The following BEND4 variants were observed in gnomAD, a reference collection of about 807,000 sequenced individuals.
BEND4 encodes the protein BEN domain containing 4, also known as BEN domain-containing protein 4.
In BEND4, 27 loss-of-function variants were observed where a neutral mutation model predicts 54.7. The ratio of observed to expected loss-of-function variants is 0.49; its 90% CI spans 0.36 to 0.68. The LOEUF (loss-of-function observed/expected upper bound fraction) is 0.68. Ranked by LOEUF, BEND4 falls within the 30% of genes least tolerant of loss-of-function variation. The pLI is 0.00. For synonymous variants in BEND4, 327 were observed against 299.5 expected (o/e 1.09, Z -0.95); for missense variants, 702 against 697.2 (o/e 1.01, Z -0.08).
rs1360736512 is a variant in BEND4, at chr4:42,117,501, C to T, written c.*17G>A. 3 of 1,575,146 alleles carry T rather than the reference C, an allele frequency of 1.9e-6. No individual in the cohort carries two copies. Among genetic ancestry groups the T allele is most frequent in the Admixed American group, 1.7e-5 (1 of 57,532 alleles). On this transcript the variant is annotated 3_prime_UTR_variant, in exon 6 of 6. Coordinates refer to ENST00000502486, the MANE Select transcript of BEND4 (RefSeq NM_207406.4). Reference sequence around the variant, plus strand: ...CTCTTGAGAGGACCAGCTGCTACAACAGGAAGATTCTGTCCACTAATCCCC... The same window carrying T: ...CTCTTGAGAGGACCAGCTGCTACAATAGGAAGATTCTGTCCACTAATCCCC...
intron 3 of BEND4, among the ~76,000 whole-genome samples, chr4:42,141,141 T>C (rs1720864829): frequency 6.6e-6 from 1 of 152,150 alleles, no homozygotes; most frequent in African/African-American, 2.4e-5. Context: ...GGTGCCTGCC[T>C]GGCGTGGGAA....
intron 2 of BEND4, among the ~76,000 whole-genome samples, chr4:42,147,968 G>C (rs1160047926): frequency 3.3e-5 from 5 of 152,098 alleles, no homozygotes; most frequent in Admixed American, 3.3e-4. Context: ...GATCACAGTA[G>C]TCAAGATTAG....
chr4:42,138,001 T>A (rs1035509892), intron 3 of BEND4, among the ~76,000 whole-genome samples: 1 of 152,162 alleles, frequency 6.6e-6, no homozygotes, highest in Non-Finnish European at 1.5e-5. Flanking sequence ...GGTGGGAATG[T>A]AGAATGGTAC....
At chr4:42,145,477 G>A (rs546663410) in intron 2 of BEND4, among the ~76,000 whole-genome samples, 101 of 152,126 alleles carry the variant, frequency 6.6e-4, no homozygotes, top group African/African-American at 2.3e-3. Context: ...GGCAGATCAC[G>A]AGGTGGGAGA....
intron 2 of BEND4, among the ~76,000 whole-genome samples, chr4:42,144,459 G>A (rs941363012): frequency 6.6e-6 from 1 of 152,202 alleles, no homozygotes; most frequent in Non-Finnish European, 1.5e-5. Context: ...CCTGCAGAGA[G>A]TACATAGCTC....
rs1719795512 is a variant in BEND4, at chr4:42,115,797, A to G, written c.*1721T>C. 1 of 152,170 alleles carries G rather than the reference A, an allele frequency of 6.6e-6. No individual in the cohort carries two copies. Among genetic ancestry groups the G allele is most frequent in the South Asian group, 2.1e-4 (1 of 4,830 alleles). The allele number at this position is 152,170 out of a possible 1,614,324, so 9.4% of individuals were successfully genotyped here. ...TGCCCATATCATTTCTTTTACTTCCAAATTTTAGCTAATTTGCCCCAAATA... is the reference window on the plus strand; with the variant it reads ...TGCCCATATCATTTCTTTTACTTCCGAATTTTAGCTAATTTGCCCCAAATA... On this transcript the variant is annotated 3_prime_UTR_variant, in exon 6 of 6. Coordinates refer to ENST00000502486, the MANE Select transcript of BEND4 (RefSeq NM_207406.4).
Position 42,118,465 on chromosome 4 carries a change from A to G in BEND4, c.1388-730T>C, listed in dbSNP as rs181021720. On this transcript the variant is annotated intron_variant, in intron 5 of 5. Transcript: ENST00000502486. ...CCAAAAGCGGGATGGAGGTCCACGC[A>G]TTGTGGCCCTAAGTGAAAAATGAGC... Among the ~76,000 whole-genome samples the G allele has an allele frequency of 1.1e-3, 171 of 152,288 alleles. 4 individuals carry two copies. Among genetic ancestry groups the G allele is most frequent in the East Asian group, 7.3e-3 (38 of 5,182 alleles).
chr4:42,121,541 T>G (rs1720059365), intron 4 of BEND4, among the ~76,000 whole-genome samples: 4 of 152,226 alleles, frequency 2.6e-5, no homozygotes, highest in Admixed American at 2.6e-4. Flanking sequence ...GACCAAAGTT[T>G]CCTCATCTGT....
intron 2 of BEND4, among the ~76,000 whole-genome samples, chr4:42,146,693 T>C (rs1721093310): frequency 6.6e-6 from 1 of 152,260 alleles, no homozygotes; most frequent in African/African-American, 2.4e-5. Context: ...ATTTTAATCC[T>C]ATAATCCCAT....
At chr4:42,135,240 C>T (rs1419425862) in intron 3 of BEND4, among the ~76,000 whole-genome samples, 3 of 152,078 alleles carry the variant, frequency 2.0e-5, no homozygotes, top group African/African-American at 4.8e-5. Flanking sequence ...GATTGGGAGT[C>T]GGAAGGAGAG....
chr4:42,140,801 T>TC, intron 3 of BEND4, among the ~76,000 whole-genome samples: 1 of 152,284 alleles, frequency 6.6e-6, no homozygotes, highest in South Asian at 2.1e-4. Context: ...TGAAACTCTT[T>TC]CCCAAGATGA....
intron 3 of BEND4, among the ~76,000 whole-genome samples, chr4:42,137,223 T>C (rs1720728016): frequency 6.6e-6 from 1 of 152,072 alleles, no homozygotes; most frequent in South Asian, 2.1e-4. Flanking sequence ...AATGAGATAA[T>C]AAAAAAATGC....
At chr4:42,132,734 C>T (rs758184744) in intron 3 of BEND4, among the ~76,000 whole-genome samples, 15 of 151,982 alleles carry the variant, frequency 9.9e-5, no homozygotes, top group South Asian at 2.1e-4. Flanking sequence ...TGTGAGCCAC[C>T]GCACCCAGCC....
At chr4:42,147,645 CCCA>C (rs1037265116) in intron 2 of BEND4, among the ~76,000 whole-genome samples, 1 of 152,034 alleles carries the variant, frequency 6.6e-6, no homozygotes, top group African/African-American at 2.4e-5. Context: ...CTCTAAAATG[CCCA>C]CTTCTCTCTA....
chr4:42,113,278 T>C lies in BEND4; in HGVS notation c.*4240A>G, dbSNP rs991975806. 6.6e-5 allele frequency: 10 copies of C among 152,226 alleles called. No homozygotes were observed. The highest frequency in any genetic ancestry group is 2.6e-4 in the Admixed American group (4 of 15,286). The allele number at this position is 152,226 out of a possible 1,614,324, so 9.4% of individuals were successfully genotyped here. A position where few individuals can be genotyped will look rare whatever the true frequency, so the allele number is the denominator to read the frequency against. On this transcript the variant is annotated 3_prime_UTR_variant, in exon 6 of 6. Coordinates refer to ENST00000502486, the MANE Select transcript of BEND4 (RefSeq NM_207406.4). Reference sequence around the variant, plus strand: ...TGAGGAAAGTTATACATTTAAATCTTTCCTAAAATTGAAGCTATTATCCAT... The same window carrying C: ...TGAGGAAAGTTATACATTTAAATCTCTCCTAAAATTGAAGCTATTATCCAT...
chr4:42,143,457 T>G lies in BEND4; in HGVS notation c.1025A>C (p.Glu342Ala). Reference sequence around the variant, plus strand: ...GATGCTCTCTAATTTCCTTCTGAGCTCTTCATTTTCTTGTTGCAGTGAAAT... The same window carrying G: ...GATGCTCTCTAATTTCCTTCTGAGCGCTTCATTTTCTTGTTGCAGTGAAAT... Reference protein sequence around the residue: ...EVISLQQENEELRRKLESIPV... With the variant: ...EVISLQQENEALRRKLESIPV... Residue 342 changes from glutamate (E) to alanine (A), a missense_variant, in exon 3 of 6, where the codon GAG (glutamate) becomes GCG (alanine). By Grantham distance (107) the Glu-to-Ala change is moderately radical (BLOSUM62 -1). Coordinates refer to ENST00000502486, the MANE Select transcript of BEND4 (RefSeq NM_207406.4). 6.4e-7 allele frequency: 1 copy of G among 1,552,106 alleles called. No homozygotes were observed. The highest frequency in any genetic ancestry group is 2.0e-5 in the Admixed American group (1 of 51,006).
chr4:42,128,204 A>G (rs929221870), intron 3 of BEND4, among the ~76,000 whole-genome samples: 2 of 152,214 alleles, frequency 1.3e-5, no homozygotes, highest in East Asian at 1.9e-4. Flanking sequence ...AATTTTTATA[A>G]TAAGAGTCAT....
At chr4:42,148,930 A>G (rs1246632754) in intron 2 of BEND4, among the ~76,000 whole-genome samples, 3 of 152,220 alleles carry the variant, frequency 2.0e-5, no homozygotes, top group Admixed American at 6.5e-5. Context: ...TATACTCTTC[A>G]TGAGATTTTA....
In BEND4 at chr4:42,142,156, T is replaced by A. The variant is rs750363311; in HGVS notation, c.1054+1272A>T. Among the ~76,000 whole-genome samples, 14 of 151,004 alleles carry A rather than the reference T, an allele frequency of 9.3e-5. No individual in the cohort carries two copies. The East Asian group carries it at 2.8e-3, about 30-fold the overall frequency. On this transcript the variant is annotated intron_variant, in intron 3 of 5. Coordinates refer to ENST00000502486, the MANE Select transcript of BEND4 (RefSeq NM_207406.4). ...ACCTGACCTTGTGATCCGCCCCCCC[T>A]CGGCCTCCCAAAGTGCTGGGATTAC... is the stretch of plus-strand genomic sequence containing the variant.
Sources: allele counts gnomAD v4.1 joint callset (sites outside exome capture counted in the v4.1 genomes callset), GRCh38; gene constraint gnomAD v4.1.1; transcripts MANE v1.5; gene names NCBI Gene and HGNC (gene_info 2026-07-23, HGNC 2026-07-21).